Variants in IRAG1 observed in about 807,000 individuals in gnomAD.
IRAG1 encodes IP3R-associated cGMP kinase substrate.
A neutral mutation model predicts 106.2 loss-of-function variants in IRAG1; 62 were observed. That is an observed-to-expected ratio of 0.58 (90% confidence interval 0.48 to 0.72). IRAG1 has a LOEUF of 0.72. IRAG1 is among the 30% of genes least tolerant of loss of function. IRAG1 has a pLI of 0.00. For synonymous variants in IRAG1, 462 were observed against 443.9 expected, an observed-to-expected ratio of 1.04 and a Z score of -0.51; for missense variants, 1,064 against 1,140.7, an observed-to-expected ratio of 0.93 and a Z score of 0.97.
intron 12 of IRAG1, 92 bp from the exon 13 acceptor site, chr11:10,604,637 C>G: frequency 6.7e-7 from 1 of 1,491,116 alleles, no homozygotes; most frequent in Non-Finnish European, 9.2e-7. Context: ...CGTTTTGCAA[C>G]GGCCCCTGGA....
intron 1 of IRAG1, chr11:10,687,826 C>G: frequency 2.3e-6 from 3 of 1,286,442 alleles, no homozygotes; most frequent in African/African-American, 1.5e-5. Flanking sequence ...TAATGTATAC[C>G]GAGTGCTAAG....
intron 1 of IRAG1, among the ~76,000 whole-genome samples, chr11:10,679,240 C>T (rs553247170): frequency 3.9e-5 from 6 of 152,270 alleles, no homozygotes; most frequent in East Asian, 3.9e-4. Flanking sequence ...TAAAAGCATA[C>T]GATTCAGTGG....
chr11:10,638,511 CTG>C (rs34068995), intron 2 of IRAG1, among the ~76,000 whole-genome samples: 63,000 of 151,886 alleles, frequency 0.41, 13,310 homozygotes, highest in African/African-American at 0.44. Flanking sequence ...GAAACTCTGA[CTG>C]TGCTTATAGC....
At chr11:10,635,345 G>A (rs1163733966) in intron 2 of IRAG1, among the ~76,000 whole-genome samples, 1 of 152,130 alleles carries the variant, frequency 6.6e-6, no homozygotes, top group African/African-American at 2.4e-5. Flanking sequence ...TTTGCCAAAG[G>A]CCTGCCTCCT....
chr11:10,583,102 G>A (rs778513590), intron 18 of IRAG1, among the ~76,000 whole-genome samples: 1 of 152,206 alleles, frequency 6.6e-6, no homozygotes, highest in Non-Finnish European at 1.5e-5. Flanking sequence ...ATGCCTGTGA[G>A]GTATCCAAAG....
At chr11:10,633,188 C>T (rs1039717954) in intron 3 of IRAG1, among the ~76,000 whole-genome samples, 6 of 151,476 alleles carry the variant, frequency 4.0e-5, no homozygotes, top group Non-Finnish European at 7.4e-5. Flanking sequence ...CATTCTCCTG[C>T]CTCAGCCTCC....
intron 2 of IRAG1, among the ~76,000 whole-genome samples, chr11:10,640,653 T>G (rs1349875987): frequency 1.3e-5 from 2 of 152,202 alleles, no homozygotes; most frequent in African/African-American, 4.8e-5. Context: ...CAGATTTTCA[T>G]GCAGTGCACA....
intron 10 of IRAG1, among the ~76,000 whole-genome samples, chr11:10,623,280 G>A (rs974000878): frequency 4.6e-5 from 7 of 152,172 alleles, no homozygotes; most frequent in African/African-American, 9.7e-5. Context: ...GAGGCAGTGC[G>A]GGGGCTGAAG....
chr11:10,639,673 CTCTG>C (rs1438702508), intron 2 of IRAG1, among the ~76,000 whole-genome samples: 23 of 152,152 alleles, frequency 1.5e-4, no homozygotes, highest in African/African-American at 4.3e-4. Context: ...TGCCCAGATC[CTCTG>C]TCTACCTTCT....
At position 10,674,402 on chromosome 11, in the gene IRAG1, G is replaced by A. The variant is rs564604968; in HGVS notation, c.67+19134C>T. Among the ~76,000 whole-genome samples, 5 of 152,194 alleles carry A rather than the reference G, an allele frequency of 3.3e-5. 1 individual carries two copies. The highest frequency in any genetic ancestry group is 1.2e-4 in the African/African-American group (5 of 41,524). On this transcript the variant is annotated intron_variant, in intron 1 of 20. Transcript: ENST00000423302. ...TTTTACAAGTATGGGCACAAATGGG[G>A]GTGACACCTTTCAGTTCTCACCCTG...
At chr11:10,630,345 T>A (rs1856594799) in intron 4 of IRAG1, among the ~76,000 whole-genome samples, 2 of 149,776 alleles carry the variant, frequency 1.3e-5, no homozygotes, top group South Asian at 4.2e-4. Context: ...CTGTTCCTCA[T>A]CTCCATTCTT....
intron 17 of IRAG1, 46 bp downstream of exon 17, chr11:10,593,446 G>C (rs1852905515): frequency 6.5e-7 from 1 of 1,545,094 alleles, no homozygotes; most frequent in Admixed American, 1.7e-5. Flanking sequence ...CGAAGGAAAG[G>C]TTATTCTACT....
intron 2 of IRAG1, among the ~76,000 whole-genome samples, chr11:10,635,196 T>G (rs1857056887): frequency 6.6e-6 from 1 of 152,206 alleles, no homozygotes; most frequent in Non-Finnish European, 1.5e-5. Context: ...TGATCGTAAT[T>G]TGTTAGAAGA....
Position 10,685,155 on chromosome 11 carries a change from C to T in IRAG1, c.67+8381G>A, listed in dbSNP as rs112640982. 4.7e-3 allele frequency among the ~76,000 whole-genome samples: 716 copies of T among 152,254 alleles called. 2 individuals are homozygous for T. The highest frequency in any genetic ancestry group is 0.017 in the African/African-American group (695 of 41,560). On this transcript the variant is annotated intron_variant, in intron 1 of 20. Coordinates refer to ENST00000423302, the MANE Select transcript of IRAG1 (RefSeq NM_130385.4). The stretch of plus-strand genomic sequence containing the variant: ...ACTGGCACATAGACATTCAGAATTG[C>T]ATACTTGGCTGGGTGCAGTGGCTTA...
chr11:10,682,284 G>C (rs538562353), intron 1 of IRAG1, among the ~76,000 whole-genome samples: 1 of 152,268 alleles, frequency 6.6e-6, no homozygotes, highest in Non-Finnish European at 1.5e-5. Flanking sequence ...CAAGTCTCTG[G>C]AGATTCAGCA....
At chr11:10,682,548 G>A (rs767918656) in intron 1 of IRAG1, among the ~76,000 whole-genome samples, 7 of 152,184 alleles carry the variant, frequency 4.6e-5, no homozygotes, top group Non-Finnish European at 8.8e-5. Flanking sequence ...TGTTAGGAAT[G>A]TTGGCTATAC....
At position 10,652,173 on chromosome 11, in the gene IRAG1, G is replaced by C. The variant is rs1858573284; in HGVS notation, c.77C>G (p.Ala26Gly). 6.2e-7 allele frequency: 1 copy of C among 1,613,770 alleles called. No individual in the cohort carries two copies. The highest frequency in any genetic ancestry group is 8.5e-7 in the Non-Finnish European group (1 of 1,179,804). Reference protein sequence around the residue: ...KENNSVLACGAQASWSIFGAD... With the variant: ...KENNSVLACGGQASWSIFGAD... Reference sequence around the variant, plus strand: ...CCCAAAGATGCTCCAAGAGGCCTGGGCTCCACAGGCTGGGGAGATGCCAAA... The same window carrying C: ...CCCAAAGATGCTCCAAGAGGCCTGGCCTCCACAGGCTGGGGAGATGCCAAA... Residue 26 changes from alanine (A) to glycine (G), a missense_variant, in exon 2 of 21, where the codon GCC becomes GGC. Transcript: ENST00000423302.
At chr11:10,652,327 T>G in intron 1 of IRAG1, 145 bp from the exon 2 acceptor site, 1 of 1,449,726 alleles carries the variant, frequency 6.9e-7, no homozygotes, top group Non-Finnish European at 9.1e-7. Flanking sequence ...GAGAGGGCAT[T>G]TGGAATTTCA....
intron 15 of IRAG1, chr11:10,599,625 A>C (rs138912681): frequency 1.3e-5 from 2 of 152,194 alleles, no homozygotes; most frequent in African/African-American, 4.8e-5. Flanking sequence ...AGGTTTCTCC[A>C]TCTGTTATAC....
Sources: gnomAD v4.1 joint callset for allele counts (sites outside exome capture counted in the v4.1 genomes callset) on GRCh38, gnomAD v4.1.1 for gene constraint, MANE v1.5 for transcripts, NCBI Gene and HGNC (gene_info 2026-07-23, HGNC 2026-07-21) for gene names.